Variants in SUSD1 observed in about 807,000 individuals in gnomAD.
SUSD1 encodes the protein sushi domain containing 1.
SUSD1 carries 65 observed loss-of-function variants against 86.9 expected under a neutral mutation model. The ratio of observed to expected loss-of-function variants is 0.75; its 90% CI spans 0.61 to 0.92. SUSD1 has a LOEUF of 0.92. Ranked by LOEUF, SUSD1 falls within the 40% of genes least tolerant of loss-of-function variation. SUSD1 has a pLI of 0.00. For synonymous variants in SUSD1, 346 were observed against 350.0 expected, an observed-to-expected ratio of 0.99 and a Z score of 0.13; for missense variants, 850 against 929.7, an observed-to-expected ratio of 0.91 and a Z score of 1.11.
chr9:112,114,732 C>G (rs1253517997), intron 6 of SUSD1, among the ~76,000 whole-genome samples: 1 of 152,130 alleles, frequency 6.6e-6, no homozygotes, highest in Non-Finnish European at 1.5e-5. Flanking sequence ...GACTTCCCTG[C>G]TGCAGCACCC....
Position 112,175,163 on chromosome 9 carries a change from G to A in SUSD1, c.73C>T (p.Arg25Cys), listed in dbSNP as rs1589769091. The A allele has an allele frequency of 1.8e-6, 2 of 1,093,456 alleles. No homozygotes were observed. The highest frequency in any genetic ancestry group is 1.1e-6 in the Non-Finnish European group (1 of 902,114). 67.7% of individuals were successfully genotyped at this position (1,093,456 alleles called of 1,614,324 possible). Residue 25 changes from arginine to cysteine, a missense_variant, in exon 1 of 17, where the codon CGC becomes TGC. By Grantham distance (180) the Arg-to-Cys change is radical (BLOSUM62 -3). Transcript: ENST00000374270. This position sits in a 1 kb window ranked among gnomAD's most constrained non-coding sequence, Gnocchi z 4.7. ...GGGCCCGGCGCTCCCGCGGCGCCGC[G>A]GGCCAGGCCGAGCAGCAGCAACAGC... is the stretch of plus-strand genomic sequence containing the variant. ...LPLLLLLGLA[R>C]GAAGAPGPDG...
intron 15 of SUSD1, among the ~76,000 whole-genome samples, chr9:112,042,836 A>C (rs1827799882): frequency 6.6e-6 from 1 of 152,196 alleles, no homozygotes; most frequent in South Asian, 2.1e-4. Context: ...GGTTAAGAGG[A>C]GTGCATTTCT....
At chr9:112,121,902 G>A (rs532483318) in intron 6 of SUSD1, among the ~76,000 whole-genome samples, 1 of 152,342 alleles carries the variant, frequency 6.6e-6, no homozygotes, top group East Asian at 1.9e-4. Flanking sequence ...AATGAATCAT[G>A]TAGAAGTACA....
intron 8 of SUSD1, among the ~76,000 whole-genome samples, chr9:112,110,636 C>A (rs942399175): frequency 6.6e-6 from 1 of 151,740 alleles, no homozygotes; most frequent in Non-Finnish European, 1.5e-5. Context: ...CTCAAGCAAT[C>A]CTCCTCAGCC....
intron 1 of SUSD1, among the ~76,000 whole-genome samples, chr9:112,171,639 AAC>A (rs1436121927): frequency 6.6e-6 from 1 of 152,106 alleles, no homozygotes; most frequent in African/African-American, 2.4e-5. Context: ...GGAGAAGGGA[AAC>A]ACAGTCCTCT....
chr9:112,157,820 C>T (rs867675462), intron 1 of SUSD1, among the ~76,000 whole-genome samples: 1,398 of 133,992 alleles, frequency 0.01, 28 homozygotes, highest in African/African-American at 0.041. Context: ...GTCTTTCTTT[C>T]TTTCTTTTTT....
At chr9:112,073,818 G>T (rs1183800590) in intron 12 of SUSD1, among the ~76,000 whole-genome samples, 2 of 151,992 alleles carry the variant, frequency 1.3e-5, no homozygotes, top group African/African-American at 2.4e-5. Context: ...GCTTGAACCT[G>T]GGAGGCAGAG....
chr9:112,086,534 G>GA (rs1219780440), intron 10 of SUSD1, among the ~76,000 whole-genome samples: 15 of 139,964 alleles, frequency 1.1e-4, no homozygotes, highest in African/African-American at 4.1e-4. Context: ...GAGAGAGAGA[G>GA]AAAAAAAGAA....
At position 112,143,626 on chromosome 9, in the gene SUSD1, T is replaced by C; in HGVS notation, c.374-3A>G. On this transcript the variant is annotated splice_polypyrimidine_tract_variant and splice_region_variant and intron_variant, in intron 3 of 16. Coordinates refer to ENST00000374270, the MANE Select transcript of SUSD1 (RefSeq NM_022486.5). Reference sequence around the variant, plus strand: ...AGAAACTTCACACTCATCTATGTCTTGGGACCCAATCCAAATAGAGAAAAG... The same window carrying C: ...AGAAACTTCACACTCATCTATGTCTCGGGACCCAATCCAAATAGAGAAAAG... The C allele has an allele frequency of 1.2e-6, 2 of 1,604,552 alleles. No homozygotes were observed. The highest frequency in any genetic ancestry group is 2.7e-5 in the African/African-American group (2 of 74,362).
chr9:112,084,902 T>C (rs1411294839), intron 10 of SUSD1, among the ~76,000 whole-genome samples: 1 of 152,028 alleles, frequency 6.6e-6, no homozygotes, highest in Non-Finnish European at 1.5e-5. Context: ...TAATGAAACT[T>C]TGTTTCTGCT....
In SUSD1 at chr9:112,170,710, T is replaced by TATATATATAGAGAGAG. The variant is rs758442726; in HGVS notation, c.103+4422_103+4423insCTCTCTCTATATATAT. On this transcript the variant is annotated intron_variant, in intron 1 of 16. Coordinates refer to ENST00000374270, the MANE Select transcript of SUSD1 (RefSeq NM_022486.5). ...GCCAGATCATATATATATATATATATAGAGAGAGAGAGAGAGAGAGAGAGA... is the reference window on the plus strand; with the variant it reads ...GCCAGATCATATATATATATATATATATATATATAGAGAGAGAGAGAGAGAGAGAGAGAGAGAGAGA... Among the ~76,000 whole-genome samples the TATATATATAGAGAGAG allele has an allele frequency of 4.8e-4, 55 of 113,808 alleles. 1 individual carries two copies. Among genetic ancestry groups the TATATATATAGAGAGAG allele is most frequent in the African/African-American group, 1.3e-3 (35 of 26,316 alleles). The allele number at this position is 113,808 out of a possible 152,430, so 74.7% of individuals were successfully genotyped here. A position where few individuals can be genotyped will look rare whatever the true frequency, so the allele number is the denominator to read the frequency against.
At chr9:112,101,052 G>A (rs1830612892) in intron 9 of SUSD1, among the ~76,000 whole-genome samples, 1 of 151,714 alleles carries the variant, frequency 6.6e-6, no homozygotes, top group Non-Finnish European at 1.5e-5. Context: ...ATATACTTCT[G>A]GTAAATAGAA....
intron 1 of SUSD1, among the ~76,000 whole-genome samples, chr9:112,172,511 G>C (rs1245376051): frequency 6.6e-6 from 1 of 152,102 alleles, no homozygotes; most frequent in African/African-American, 2.4e-5. Flanking sequence ...TCAACTTCAA[G>C]GTTTCAAGCA....
chr9:112,175,010 G>GC lies in SUSD1; in HGVS notation c.103+122dup. 1 of 733,470 alleles carries GC rather than the reference G, an allele frequency of 1.4e-6. No homozygotes were observed. The highest frequency in any genetic ancestry group is 1.3e-4 in the East Asian group (1 of 7,736). 45.4% of individuals were successfully genotyped at this position (733,470 alleles called of 1,614,324 possible). ...AACGGCCGGCGCGGGCCCCACCTGC[G>GC]CCCCACGCCTCGGCACCGCGCCGGC... On this transcript the variant is annotated intron_variant, in intron 1 of 16. Transcript: ENST00000374270. The surrounding 1 kb of genome is among the most constrained non-coding windows in gnomAD (Gnocchi z 4.7).
Position 112,142,486 on chromosome 9 carries a change from A to G in SUSD1, c.540T>C (p.Gly180=). ...AGCCATCTGGAACCTCAGGAGGGGT[A>G]CCACAGTCTATTTCTGAAAATAAAT... ...DATSCTEIDC[G]TPPEVPDGYI... Residue 180 remains glycine, a synonymous_variant, in exon 5 of 17, where the codon GGT becomes GGC. Coordinates refer to ENST00000374270, the MANE Select transcript of SUSD1 (RefSeq NM_022486.5). 1 of 1,606,500 alleles carries G rather than the reference A, an allele frequency of 6.2e-7. No individual in the cohort carries two copies. The highest frequency in any genetic ancestry group is 8.5e-7 in the Non-Finnish European group (1 of 1,178,468).
rs60825847 is a variant in SUSD1, at chr9:112,092,500, TG to T, written c.1474+5969del. ...TGCAATGGTTCCCTTTCTGGCTGGA[TG>T]GGAAAACTCAAACCTAAATTTTAGA... On this transcript the variant is annotated intron_variant, in intron 10 of 16. Coordinates refer to ENST00000374270, the MANE Select transcript of SUSD1 (RefSeq NM_022486.5). 7.9e-3 allele frequency among the ~76,000 whole-genome samples: 1,198 copies of T among 152,342 alleles called. 14 individuals carry two copies. Among genetic ancestry groups the T allele is most frequent in the African/African-American group, 0.027 (1,133 of 41,588 alleles).
intron 15 of SUSD1, among the ~76,000 whole-genome samples, chr9:112,044,932 A>T (rs1827891200): frequency 6.6e-6 from 1 of 152,240 alleles, no homozygotes; most frequent in African/African-American, 2.4e-5. Flanking sequence ...GTTACAGATT[A>T]ATAAAGACAT....
chr9:112,051,843 T>C (rs1194579829), intron 15 of SUSD1, among the ~76,000 whole-genome samples: 1 of 152,104 alleles, frequency 6.6e-6, no homozygotes, highest in Non-Finnish European at 1.5e-5. Context: ...CTCCCTTTCA[T>C]TGCAAACCTA....
chr9:112,095,580 C>A (rs572448606), intron 10 of SUSD1, among the ~76,000 whole-genome samples: 1 of 152,198 alleles, frequency 6.6e-6, no homozygotes, highest in East Asian at 1.9e-4. Context: ...GGAAACCCAA[C>A]AGCAGCTCAC....
Sources: allele counts gnomAD v4.1 joint callset (sites outside exome capture counted in the v4.1 genomes callset), GRCh38; gene constraint gnomAD v4.1.1; non-coding constraint Gnocchi (gnomAD v3.1); transcripts MANE v1.5; gene names NCBI Gene and HGNC (gene_info 2026-07-23, HGNC 2026-07-21).